CADM2: variants seen among roughly 807,000 people sequenced by gnomAD.
CADM2 encodes immunoglobulin superfamily member 4D.
Under a neutral mutation model 49.8 loss-of-function variants are expected in CADM2, and 12 were observed. The observed-to-expected ratio is 0.24, with a 90% CI of 0.15 to 0.39. The LOEUF (loss-of-function observed/expected upper bound fraction) is 0.39, where lower values mean the gene tolerates loss of function less well. Among genes scored for constraint, CADM2 ranks in the 10% least tolerant of loss-of-function variants. CADM2 has a pLI of 1.00. For missense variants in CADM2, 378 were observed against 492.3 expected, an observed-to-expected ratio of 0.77 and a Z score of 2.20; for synonymous variants, 214 against 175.4, an observed-to-expected ratio of 1.22 and a Z score of -1.74.
intron 3 of CADM2, among the ~76,000 whole-genome samples, chr3:85,871,073 C>T (rs1042122985): frequency 6.6e-6 from 1 of 152,074 alleles, no homozygotes; most frequent in African/African-American, 2.4e-5. Flanking sequence ...AGCTTCTGTA[C>T]AGTAAAAGAA....
At chr3:85,119,008 C>G (rs1210295383) in intron 1 of CADM2, among the ~76,000 whole-genome samples, 2 of 152,144 alleles carry the variant, frequency 1.3e-5, no homozygotes, top group Non-Finnish European at 2.9e-5. Flanking sequence ...CTTGGCCTCC[C>G]AAAGTGCTGT....
chr3:85,537,221 A>T (rs1310629374), intron 1 of CADM2, among the ~76,000 whole-genome samples: 1 of 152,112 alleles, frequency 6.6e-6, no homozygotes, highest in African/African-American at 2.4e-5. Flanking sequence ...ACCTATTCTA[A>T]CATATTGGAA....
intron 1 of CADM2, among the ~76,000 whole-genome samples, chr3:85,219,358 T>C (rs2041997116): frequency 1.3e-5 from 2 of 152,310 alleles, no homozygotes; most frequent in South Asian, 4.1e-4. Flanking sequence ...ACTCCAAAAA[T>C]ACACTGATCT....
intron 5 of CADM2, among the ~76,000 whole-genome samples, chr3:85,893,460 G>A (rs531018705): frequency 1.3e-5 from 2 of 151,980 alleles, no homozygotes; most frequent in African/African-American, 2.4e-5. Flanking sequence ...TCTAAAACAC[G>A]AAAAGCAATG....
chr3:85,163,909 AG>A (rs1322094501), intron 1 of CADM2, among the ~76,000 whole-genome samples: 1 of 152,068 alleles, frequency 6.6e-6, no homozygotes, highest in Non-Finnish European at 1.5e-5. Flanking sequence ...AACCATTAGT[AG>A]TAATTCCTCA....
intron 1 of CADM2, among the ~76,000 whole-genome samples, chr3:85,370,225 A>AATT (rs2033116342): frequency 6.9e-6 from 1 of 144,788 alleles, no homozygotes; most frequent in African/African-American, 2.5e-5. Flanking sequence ...AAATAATAAT[A>AATT]ATAATAATAA....
chr3:85,453,377 G>A (rs1450983823), intron 1 of CADM2, among the ~76,000 whole-genome samples: 1 of 151,988 alleles, frequency 6.6e-6, no homozygotes, highest in South Asian at 2.1e-4. Flanking sequence ...TGTATTAATA[G>A]AACTTTTGAA....
chr3:85,354,528 T>A, intron 1 of CADM2, among the ~76,000 whole-genome samples: 1 of 150,904 alleles, frequency 6.6e-6, no homozygotes, highest in East Asian at 2.0e-4. Flanking sequence ...AGTGACCTAA[T>A]GCAGAGGAAA....
At chr3:86,013,958 T>G in intron 8 of CADM2, 3 of 1,553,454 alleles carry the variant, frequency 1.9e-6, no homozygotes, top group Non-Finnish European at 2.6e-6. Flanking sequence ...AATCAGTACC[T>G]GTTATGGGAG....
chr3:85,750,214 A>C (rs955733698), intron 2 of CADM2, among the ~76,000 whole-genome samples: 1 of 151,990 alleles, frequency 6.6e-6, no homozygotes, highest in South Asian at 2.1e-4. Flanking sequence ...TAATTTTCTC[A>C]CCAACTCCAC....
intron 3 of CADM2, among the ~76,000 whole-genome samples, chr3:85,821,076 C>A (rs2073529989): frequency 6.6e-6 from 1 of 152,084 alleles, no homozygotes; most frequent in Non-Finnish European, 1.5e-5. Context: ...AGTACCTATC[C>A]TTATTATACA....
intron 3 of CADM2, among the ~76,000 whole-genome samples, chr3:85,872,798 A>T (rs925160313): frequency 9.9e-5 from 15 of 151,622 alleles, no homozygotes; most frequent in African/African-American, 3.6e-4. Context: ...CCAAAATTTT[A>T]TGGTTTAGTT....
intron 1 of CADM2, among the ~76,000 whole-genome samples, chr3:85,505,076 A>T (rs1023306647): frequency 4.6e-5 from 7 of 152,092 alleles, no homozygotes; most frequent in African/African-American, 1.4e-4. Context: ...CCTCCCTGCA[A>T]GCTGAGGGAG....
chr3:86,039,742 T>C (rs1735619475), intron 8 of CADM2, among the ~76,000 whole-genome samples: 1 of 152,126 alleles, frequency 6.6e-6, no homozygotes, highest in Non-Finnish European at 1.5e-5. Context: ...GTAGTGGTTC[T>C]CCCAGCAGGC....
intron 1 of CADM2, among the ~76,000 whole-genome samples, chr3:85,589,335 C>T (rs1282896289): frequency 6.6e-6 from 1 of 152,020 alleles, no homozygotes; most frequent in Admixed American, 6.6e-5. Flanking sequence ...GGCACAATAG[C>T]ATTGGGTTGA....
At chr3:85,041,968 T>C (rs139047982) in intron 1 of CADM2, among the ~76,000 whole-genome samples, 25 of 152,288 alleles carry the variant, frequency 1.6e-4, no homozygotes, top group African/African-American at 6.0e-4. Flanking sequence ...TAAAGGAACA[T>C]TTGAAGGAGA....
At chr3:85,705,312 T>C (rs1049971826) in intron 1 of CADM2, among the ~76,000 whole-genome samples, 2 of 152,024 alleles carry the variant, frequency 1.3e-5, no homozygotes, top group Non-Finnish European at 2.9e-5. Context: ...TGTACATTGA[T>C]TCATTAACAT....
At chr3:86,057,359 A>G (rs889056334) in intron 8 of CADM2, among the ~76,000 whole-genome samples, 9 of 152,194 alleles carry the variant, frequency 5.9e-5, no homozygotes, top group Admixed American at 5.9e-4. Flanking sequence ...GAATCAAACT[A>G]TAAAAAGCAG....
At chr3:85,842,398 C>G (rs914302054) in intron 3 of CADM2, among the ~76,000 whole-genome samples, 4 of 152,118 alleles carry the variant, frequency 2.6e-5, no homozygotes, top group Non-Finnish European at 5.9e-5. Context: ...AACCCTCTTT[C>G]AAGAAATGTT....
Sources: allele counts gnomAD v4.1 joint callset (sites outside exome capture counted in the v4.1 genomes callset), GRCh38; gene constraint gnomAD v4.1.1; transcripts MANE v1.5; gene names NCBI Gene and HGNC (gene_info 2026-07-23, HGNC 2026-07-21).